DHX57: variants seen among roughly 807,000 people sequenced by gnomAD.
The protein encoded by DHX57 is DExH-box helicase 57, also known as putative ATP-dependent RNA helicase DHX57.
Under a neutral mutation model 156.2 loss-of-function variants are expected in DHX57, and 105 were observed. The ratio of observed to expected loss-of-function variants is 0.67; its 90% CI spans 0.57 to 0.79. The LOEUF is 0.79. DHX57 is among the 30% of genes least tolerant of loss of function. DHX57 has a pLI of 0.00. For synonymous variants in DHX57, 704 were observed against 595.6 expected (o/e 1.18, Z -2.65); for missense variants, 1,847 against 1,661.9 (o/e 1.11, Z -1.94).
chr2:38,816,031 C>CG (rs1343860651), intron 19 of DHX57: 1 of 429,480 alleles, frequency 2.3e-6, no homozygotes, highest in Non-Finnish European at 4.7e-6. Context: ...CCAAGTGCTG[C>CG]GGCACTGTCT....
chr2:38,798,339 C>G lies in DHX57; in HGVS notation c.4121G>C (p.Arg1374Pro). 1 of 1,613,666 alleles carries G rather than the reference C, an allele frequency of 6.2e-7. No homozygotes were observed. Among genetic ancestry groups the G allele is most frequent in the East Asian group, 2.2e-5 (1 of 44,878 alleles). The change falls in exon 24 of 24, where the codon CGG (arginine) becomes CCG (proline). Residue 1374 changes from arginine (R) to proline (P), a missense_variant. Transcript: ENST00000457308. ...AAGTTTCACAATTGTGCTGATGATC[C>G]GGGATCCTCGAGGACACGTACACAG... ...IDLCTCPRGS[R>P]IISTIVKLVT...
chr2:38,829,140 G>A (rs1166933710), intron 13 of DHX57, among the ~76,000 whole-genome samples: 2 of 151,910 alleles, frequency 1.3e-5, no homozygotes, highest in Non-Finnish European at 2.9e-5. Context: ...ATGGGGTTTC[G>A]CCATGTTGCC....
At chr2:38,799,910 T>G (rs1669591523) in intron 23 of DHX57, among the ~76,000 whole-genome samples, 1 of 145,150 alleles carries the variant, frequency 6.9e-6, no homozygotes, top group African/African-American at 2.6e-5. Flanking sequence ...AAAATTAGCC[T>G]GGCGCGGTGG....
At chr2:38,847,383 T>G (rs1312252023) in intron 10 of DHX57, among the ~76,000 whole-genome samples, 1 of 152,172 alleles carries the variant, frequency 6.6e-6, no homozygotes, top group Non-Finnish European at 1.5e-5. Flanking sequence ...CTTTAAACAT[T>G]CAACAGTTGT....
In DHX57 at chr2:38,826,705, A is replaced by G. The variant is rs1043808050; in HGVS notation, c.2640-16T>C. 7.4e-6 allele frequency: 12 copies of G among 1,612,498 alleles called. No individual in the cohort carries two copies. The highest frequency in any genetic ancestry group is 8.5e-6 in the Non-Finnish European group (10 of 1,178,928). ...AATAACACATCTGGAAGGAAATAAA[A>G]GCACATGAAGTATTCTAGCACCTAG... On this transcript the variant is annotated splice_polypyrimidine_tract_variant and intron_variant, in intron 14 of 23. Coordinates refer to ENST00000457308, the MANE Select transcript of DHX57 (RefSeq NM_198963.3).
In DHX57 at chr2:38,861,628, T is replaced by G. The variant is rs770952880; in HGVS notation, c.782A>C (p.Glu261Ala). 4.3e-6 allele frequency: 7 copies of G among 1,614,170 alleles called. No homozygotes were observed. The highest frequency in any genetic ancestry group is 5.9e-6 in the Non-Finnish European group (7 of 1,180,016). ...EAFALKSICG[E>A]KFIERIQNRV... ...GTTCTGAATTCTTTCTATAAATTTT[T>G]CTCCACAGATGGACTTGAGAGCAAA... Residue 261 changes from glutamate to alanine, a missense_variant, in exon 5 of 24, where the codon GAA becomes GCA. By Grantham distance (107) the Glu-to-Ala change is moderately radical (BLOSUM62 -1). Coordinates refer to ENST00000457308, the MANE Select transcript of DHX57 (RefSeq NM_198963.3).
At chr2:38,857,711 T>G (rs79031750) in intron 6 of DHX57, among the ~76,000 whole-genome samples, 1,630 of 152,332 alleles carry the variant, frequency 0.011, 17 homozygotes, top group East Asian at 0.058. Context: ...GATTCACTTA[T>G]GAATTCTTTT....
At chr2:38,863,198 T>G (rs867584061) in intron 3 of DHX57, 163 bp downstream of exon 3, 2 of 734,802 alleles carry the variant, frequency 2.7e-6, no homozygotes, top group South Asian at 4.9e-5. Context: ...ACTCTAAAAT[T>G]GTGGCTGAAT....
At chr2:38,813,241 G>A (rs953940750) in intron 21 of DHX57, among the ~76,000 whole-genome samples, 5 of 152,102 alleles carry the variant, frequency 3.3e-5, no homozygotes, top group Non-Finnish European at 4.4e-5. Flanking sequence ...TAGGTTGGCC[G>A]ACTGACATTT....
At chr2:38,825,390 C>T (rs1236226828) in intron 16 of DHX57, among the ~76,000 whole-genome samples, 7 of 152,174 alleles carry the variant, frequency 4.6e-5, no homozygotes, top group Non-Finnish European at 7.3e-5. Flanking sequence ...GCAACCTCTG[C>T]CTCCTGGGTT....
At chr2:38,799,437 CA>C (rs772099726) in intron 23 of DHX57, among the ~76,000 whole-genome samples, 63 of 95,602 alleles carry the variant, frequency 6.6e-4, no homozygotes, top group African/African-American at 2.2e-3. Context: ...CTTGTTGTCT[CA>C]AAAAAAAAAA....
chr2:38,835,812 G>A (rs564009482), intron 13 of DHX57, among the ~76,000 whole-genome samples: 12 of 152,324 alleles, frequency 7.9e-5, no homozygotes, highest in Admixed American at 3.3e-4. Context: ...GTCCAGATGT[G>A]CATGACCTCA....
At chr2:38,861,996 G>T (rs2124932626) in intron 4 of DHX57, 149 bp downstream of exon 4, 2 of 1,193,282 alleles carry the variant, frequency 1.7e-6, no homozygotes, top group East Asian at 5.1e-5. Flanking sequence ...CCCCCTGAAT[G>T]ACCCCTTCTG....
rs1431777142 is a variant in DHX57 at position 38,843,225 on chromosome 2, G to C, written c.2220-15C>G. The C allele has an allele frequency of 1.2e-6, 2 of 1,613,048 alleles. No individual in the cohort carries two copies. The highest frequency in any genetic ancestry group is 4.5e-5 in the East Asian group (2 of 44,886). On this transcript the variant is annotated splice_polypyrimidine_tract_variant and intron_variant, in intron 11 of 23. Transcript: ENST00000457308. Reference sequence around the variant, plus strand: ...GTAATACATACCTGAGAAAGACAAAGGAATGTGGTTGTGTGTATGTGGTCC... The same window carrying C: ...GTAATACATACCTGAGAAAGACAAACGAATGTGGTTGTGTGTATGTGGTCC...
chr2:38,864,797 T>C (rs1664972402), intron 2 of DHX57, among the ~76,000 whole-genome samples: 1 of 152,180 alleles, frequency 6.6e-6, no homozygotes, highest in Non-Finnish European at 1.5e-5. Context: ...ATCAAAATCA[T>C]TGTCTCTGTC....
At chr2:38,824,126 T>A (rs1350300102) in intron 16 of DHX57, among the ~76,000 whole-genome samples, 1 of 151,630 alleles carries the variant, frequency 6.6e-6, no homozygotes, top group Non-Finnish European at 1.5e-5. Context: ...TACAGATGAG[T>A]GGATAAAGAA....
At chr2:38,816,855 T>C (rs980000259) in intron 19 of DHX57, among the ~76,000 whole-genome samples, 2 of 152,146 alleles carry the variant, frequency 1.3e-5, no homozygotes, top group African/African-American at 4.8e-5. Context: ...AAGATGCAAC[T>C]CTTGTTTGAT....
At position 38,862,209 on chromosome 2, in the gene DHX57, C is replaced by T; in HGVS notation, c.508G>A (p.Ala170Thr). ...DLDPLEYAGL[A>T]SVEPYVPEFT... ...TCTGGAACATAAGGCTCCACTGAGG[C>T]TAAGCCAGCATATTCCAAAGGATCC... is the stretch of plus-strand genomic sequence containing the variant. The change falls in exon 4 of 24, where the codon GCC becomes ACC. Residue 170 changes from alanine (A) to threonine (T), a missense_variant. By Grantham distance (58) the Ala-to-Thr change is moderately conservative. Transcript: ENST00000457308. 1 of 1,613,892 alleles carries T rather than the reference C, an allele frequency of 6.2e-7. No homozygotes were observed. Among genetic ancestry groups the T allele is most frequent in the Non-Finnish European group, 8.5e-7 (1 of 1,179,848 alleles).
intron 2 of DHX57, among the ~76,000 whole-genome samples, chr2:38,865,033 C>G (rs1348286539): frequency 6.6e-6 from 1 of 152,166 alleles, no homozygotes; most frequent in Admixed American, 6.5e-5. Flanking sequence ...ACCTTTGTCC[C>G]TTGGCTTCCA....
Sources: gnomAD v4.1 joint callset for allele counts (sites outside exome capture counted in the v4.1 genomes callset) on GRCh38, gnomAD v4.1.1 for gene constraint, MANE v1.5 for transcripts, NCBI Gene and HGNC (gene_info 2026-07-23, HGNC 2026-07-21) for gene names.